The following LMAN2 variants were observed in gnomAD, a reference collection of about 807,000 sequenced individuals.
LMAN2 encodes the protein lectin, mannose binding 2, also known as vesicular integral-membrane protein VIP36.
In LMAN2, 22 loss-of-function variants were observed where a neutral mutation model predicts 39.3. The ratio of observed to expected loss-of-function variants is 0.56; its 90% CI spans 0.40 to 0.80. The LOEUF (loss-of-function observed/expected upper bound fraction) is 0.80. Ranked by LOEUF, LMAN2 falls within the 30% of genes least tolerant of loss-of-function variation. The pLI is 0.00. For synonymous variants in LMAN2, 207 were observed against 207.8 expected (o/e 1.00, Z 0.03); for missense variants, 494 against 505.4 (o/e 0.98, Z 0.22).
At chr5:177,336,724 C>T (rs928851960) in intron 6 of LMAN2, among the ~76,000 whole-genome samples, 2 of 152,206 alleles carry the variant, frequency 1.3e-5, no homozygotes, top group Admixed American at 6.5e-5. Flanking sequence ...AGGTCCAGAG[C>T]GGTCTGGGCT....
intron 2 of LMAN2, among the ~76,000 whole-genome samples, chr5:177,349,902 TGAG>T (rs1157987548): frequency 1.3e-5 from 2 of 152,032 alleles, no homozygotes; most frequent in Non-Finnish European, 2.9e-5. Flanking sequence ...CAAGCAGGCA[TGAG>T]GAGCCAGGAG....
At chr5:177,345,732 CATGCATTTATTTATTTATTTATTT>C (rs1399888409) in intron 2 of LMAN2, among the ~76,000 whole-genome samples, 2 of 117,070 alleles carry the variant, frequency 1.7e-5, no homozygotes, top group African/African-American at 3.4e-5. Flanking sequence ...GCAGCCATGG[CATGCATTTATTTATTTATTTATTT>C]ATTTATTTAT....
In LMAN2 at chr5:177,337,057, G is replaced by T. The variant is rs146562034; in HGVS notation, c.790+79C>A. The T allele has an allele frequency of 7.7e-6, 8 of 1,043,320 alleles. No individual in the cohort carries two copies. The South Asian group carries it at 1.1e-4, about 14-fold the overall frequency. 64.6% of individuals were successfully genotyped at this position (1,043,320 alleles called of 1,614,324 possible). ...TGAGCTCAGAAACCACATGAAGGCA[G>T]GCAATCAACTGCATGGAAAGCTCCC... On this transcript the variant is annotated intron_variant, in intron 6 of 7. Transcript: ENST00000303127. The surrounding 1 kb of genome is among the most constrained non-coding windows in gnomAD (Gnocchi z 8.2).
chr5:177,342,960 TA>T (rs1761579319), intron 2 of LMAN2, among the ~76,000 whole-genome samples: 1 of 151,804 alleles, frequency 6.6e-6, no homozygotes, highest in Non-Finnish European at 1.5e-5. Flanking sequence ...TAGAATATAT[TA>T]AAAAACCCTA....
At chr5:177,344,007 C>T (rs546447035) in intron 2 of LMAN2, among the ~76,000 whole-genome samples, 57 of 151,600 alleles carry the variant, frequency 3.8e-4, no homozygotes, top group African/African-American at 1.2e-3. Flanking sequence ...GCCAGGAGTT[C>T]GAGACCAGCC....
chr5:177,341,463 C>A (rs976308294), intron 2 of LMAN2, among the ~76,000 whole-genome samples: 1 of 152,166 alleles, frequency 6.6e-6, no homozygotes, highest in Non-Finnish European at 1.5e-5. Flanking sequence ...GGCTTCACGG[C>A]GGGAACAGCG....
chr5:177,351,425 C>T (rs1561608687), intron 1 of LMAN2, 27 bp downstream of exon 1: 3 of 1,608,966 alleles, frequency 1.9e-6, no homozygotes, highest in Non-Finnish European at 1.7e-6. Context: ...CCTCACTCTT[C>T]ACTCATTCCC....
At chr5:177,342,744 G>A (rs1162274781) in intron 2 of LMAN2, among the ~76,000 whole-genome samples, 2 of 151,502 alleles carry the variant, frequency 1.3e-5, no homozygotes, top group Non-Finnish European at 2.9e-5. Context: ...GAAAATCTAG[G>A]GAAAAAATGT....
chr5:177,333,459 T>C (rs1761420662), intron 7 of LMAN2, among the ~76,000 whole-genome samples: 1 of 152,228 alleles, frequency 6.6e-6, no homozygotes, highest in Non-Finnish European at 1.5e-5. Context: ...TGCAGCAAGG[T>C]TTGTGTGGTC....
chr5:177,341,541 T>C (rs1199077591), intron 2 of LMAN2, among the ~76,000 whole-genome samples: 2 of 152,200 alleles, frequency 1.3e-5, no homozygotes, highest in African/African-American at 4.8e-5. Context: ...TGGGATTCTA[T>C]ACTCAGCAAA....
At chr5:177,334,034 ACT>A (rs1488736295) in intron 7 of LMAN2, among the ~76,000 whole-genome samples, 9 of 152,206 alleles carry the variant, frequency 5.9e-5, no homozygotes, top group East Asian at 3.9e-4. Context: ...TCAGGGACTG[ACT>A]CTCTGCAGAC....
chr5:177,334,501 A>T, intron 6 of LMAN2, 98 bp from the exon 7 acceptor site: 1 of 1,500,104 alleles, frequency 6.7e-7, no homozygotes. Flanking sequence ...TGCAGCCAGT[A>T]AACCTGCCAG....
In LMAN2 at chr5:177,334,515, C is replaced by T. The variant is rs564777864; in HGVS notation, c.791-112G>A. 4.9e-5 allele frequency: 71 copies of T among 1,446,386 alleles called. No homozygotes were observed. The South Asian group carries it at 7.8e-4, about 16-fold the overall frequency. The allele number at this position is 1,446,386 out of a possible 1,614,324, so 89.6% of individuals were successfully genotyped here. ...CTGCAGCCAGTAAACCTGCCAGGCCCCTGGGGAGAGCACTGCCCAGCCGGC... is the reference window on the plus strand; with the variant it reads ...CTGCAGCCAGTAAACCTGCCAGGCCTCTGGGGAGAGCACTGCCCAGCCGGC... On this transcript the variant is annotated intron_variant, in intron 6 of 7. Transcript: ENST00000303127.
rs564394272 is a variant in LMAN2, at chr5:177,337,655, C to G, written c.513+51G>C. ...AAGTCCCAGGGCCCCCTCCTCTAGC[C>G]GACTGCCCAGTCCTTCCTTTCCTGC... On this transcript the variant is annotated intron_variant, in intron 4 of 7. Transcript: ENST00000303127. The surrounding 1 kb of genome is among the most constrained non-coding windows in gnomAD (Gnocchi z 8.2). 1 of 1,607,648 alleles carries G rather than the reference C, an allele frequency of 6.2e-7. No homozygotes were observed. Among genetic ancestry groups the G allele is most frequent in the Non-Finnish European group, 8.5e-7 (1 of 1,175,956 alleles).
Position 177,332,005 on chromosome 5 carries a change from G to C in LMAN2, c.*81C>G. ...AACAGTTAAGAAATAAGGTCATCTT[G>C]TTGTTCTTTTATAATCCCGGTAAAA... is the stretch of plus-strand genomic sequence containing the variant. On this transcript the variant is annotated 3_prime_UTR_variant, in exon 8 of 8. Transcript: ENST00000303127. The surrounding 1 kb of genome is among the most constrained non-coding windows in gnomAD (Gnocchi z 6.3). 7.4e-7 allele frequency: 1 copy of C among 1,351,360 alleles called. No homozygotes were observed. 83.7% of individuals were successfully genotyped at this position (1,351,360 alleles called of 1,614,324 possible).
Position 177,337,175 on chromosome 5 carries a change from A to G in LMAN2, c.751T>C (p.Tyr251His), listed in dbSNP as rs764295287. 1.2e-6 allele frequency: 2 copies of G among 1,613,906 alleles called. No homozygotes were observed. Among genetic ancestry groups the G allele is most frequent in the Non-Finnish European group, 1.7e-6 (2 of 1,179,950 alleles). ...DITGVRLPTG[Y>H]YFGASAGTGD... ...GTGCCGGCGGAGGCCCCGAAGTAGT[A>G]GCCGGTGGGCAGGCGCACTCCCGTG... Residue 251 changes from tyrosine to histidine, a missense_variant, in exon 6 of 8, where the codon TAC becomes CAC. Tyr to His is a moderately conservative substitution (Grantham distance 83). Transcript: ENST00000303127. This position sits in a 1 kb window ranked among gnomAD's most constrained non-coding sequence, Gnocchi z 8.2.
intron 2 of LMAN2, among the ~76,000 whole-genome samples, chr5:177,348,687 CAAAAAAAAAA>C (rs35269220): frequency 3.0e-5 from 1 of 33,860 alleles, no homozygotes; most frequent in South Asian, 1.4e-3. Context: ...GACTCTGTCT[CAAAAAAAAAA>C]AAAAAAAAAA....
intron 1 of LMAN2, 31 bp from the exon 2 acceptor site, chr5:177,351,322 C>G (rs769787611): frequency 1.2e-6 from 2 of 1,609,816 alleles, no homozygotes; most frequent in Admixed American, 3.3e-5. Flanking sequence ...TAAGAGGCCA[C>G]GCCAGGACTG....
chr5:177,338,333 G>A (rs1026622394), intron 3 of LMAN2, among the ~76,000 whole-genome samples, 155 bp downstream of exon 3: 4 of 152,150 alleles, frequency 2.6e-5, no homozygotes, highest in Middle Eastern at 3.2e-3. Context: ...TTCCGGAGGC[G>A]CAGGACTTTA....
Sources: gnomAD v4.1 joint callset for allele counts (sites outside exome capture counted in the v4.1 genomes callset) on GRCh38, gnomAD v4.1.1 for gene constraint, Gnocchi (gnomAD v3.1) non-coding constraint, MANE v1.5 for transcripts, NCBI Gene and HGNC (gene_info 2026-07-23, HGNC 2026-07-21) for gene names.